Variants in PIGK observed in about 807,000 individuals in gnomAD.
The protein encoded by PIGK is GPI-anchor transamidase.
A neutral mutation model predicts 50.6 loss-of-function variants in PIGK; 42 were observed. The observed-to-expected ratio is 0.83, with a 90% CI of 0.65 to 1.07. PIGK has a LOEUF of 1.07. Ranked by LOEUF, PIGK falls within the 50% of genes least tolerant of loss-of-function variation. The pLI is 0.00. For synonymous variants in PIGK, 151 were observed against 156.0 expected, an observed-to-expected ratio of 0.97 and a Z score of 0.24; for missense variants, 448 against 488.7, an observed-to-expected ratio of 0.92 and a Z score of 0.78.
At chr1:77,163,752 T>C (rs1158126474) in intron 6 of PIGK, 94 bp downstream of exon 6, 4 of 683,396 alleles carry the variant, frequency 5.9e-6, no homozygotes, top group Admixed American at 3.3e-5. Context: ...TCAAAATAAG[T>C]TAAAAATCTT....
intron 10 of PIGK, among the ~76,000 whole-genome samples, chr1:77,116,163 C>A (rs1246705245): frequency 6.6e-6 from 1 of 151,950 alleles, no homozygotes; most frequent in Non-Finnish European, 1.5e-5. Flanking sequence ...TGGTGACTCC[C>A]AGAATTGAAT....
chr1:77,184,831 T>C (rs1655702842), intron 3 of PIGK, among the ~76,000 whole-genome samples: 2 of 152,156 alleles, frequency 1.3e-5, no homozygotes, highest in East Asian at 1.9e-4. Flanking sequence ...TGGAAGCCAT[T>C]AGAGCTGCCT....
chr1:77,159,865 T>C (rs1050518114), intron 8 of PIGK, among the ~76,000 whole-genome samples: 4 of 152,330 alleles, frequency 2.6e-5, no homozygotes, highest in South Asian at 2.1e-4. Context: ...GATGAGACTT[T>C]GGACTGTGGA....
chr1:77,113,051 A>G (rs1278505242), intron 10 of PIGK, among the ~76,000 whole-genome samples: 1 of 152,150 alleles, frequency 6.6e-6, no homozygotes, highest in African/African-American at 2.4e-5. Context: ...TAAAATTGCA[A>G]TGAATTTTAA....
At chr1:77,129,226 G>A (rs770341409) in intron 9 of PIGK, 27 of 1,600,466 alleles carry the variant, frequency 1.7e-5, no homozygotes, top group Non-Finnish European at 2.2e-5. Context: ...GCCATCAAGG[G>A]TATGCATATA....
chr1:77,128,998 A>C, intron 9 of PIGK: 1 of 672,744 alleles, frequency 1.5e-6, no homozygotes, highest in Non-Finnish European at 2.7e-6. Context: ...TCAGTGTTGC[A>C]CTATAACAGC....
intron 5 of PIGK, among the ~76,000 whole-genome samples, chr1:77,165,612 A>G (rs1436309537): frequency 1.3e-5 from 2 of 152,068 alleles, no homozygotes; most frequent in East Asian, 3.9e-4. Context: ...ATAAAAAAAA[A>G]AAAAAGCAAG....
intron 10 of PIGK, among the ~76,000 whole-genome samples, chr1:77,103,699 G>C (rs2100513069): frequency 6.6e-6 from 1 of 152,272 alleles, no homozygotes; most frequent in East Asian, 1.9e-4. Context: ...ACACAAATTA[G>C]AATTCAGGGA....
chr1:77,160,874 T>C (rs550948740), intron 8 of PIGK, among the ~76,000 whole-genome samples: 8 of 152,252 alleles, frequency 5.3e-5, no homozygotes, highest in African/African-American at 1.9e-4. Context: ...GAGAAAGACT[T>C]ACATTCAATT....
intron 10 of PIGK, among the ~76,000 whole-genome samples, chr1:77,120,201 G>A (rs557760949): frequency 6.6e-6 from 1 of 152,142 alleles, no homozygotes; most frequent in East Asian, 1.9e-4. Context: ...TGTTCTCTTA[G>A]GAAAAAAGTT....
chr1:77,110,181 C>T (rs997220605), intron 10 of PIGK, among the ~76,000 whole-genome samples: 7 of 152,172 alleles, frequency 4.6e-5, no homozygotes, highest in Non-Finnish European at 1.0e-4. Context: ...AATGGCCATA[C>T]TGCCCAAGGT....
chr1:77,154,416 T>G, intron 9 of PIGK, 33 bp downstream of exon 9: 2 of 1,484,280 alleles, frequency 1.3e-6, no homozygotes, highest in Non-Finnish European at 1.9e-6. Flanking sequence ...GTGAGACTAG[T>G]ATTCTATTCA....
At chr1:77,140,194 G>A (rs564154370) in intron 9 of PIGK, among the ~76,000 whole-genome samples, 26 of 151,966 alleles carry the variant, frequency 1.7e-4, no homozygotes, top group Non-Finnish European at 2.8e-4. Context: ...GTGAGTTCCC[G>A]CAAGATATGG....
rs760032257 is a variant in PIGK, at chr1:77,129,224, G to C, written c.987-6865C>G. ...CTCGTGAAACTGCTCAGGCCATCAA[G>C]GGTATGCATATACAAAAAGCCACGA... On this transcript the variant is annotated intron_variant, in intron 9 of 10. Transcript: ENST00000370812. The C allele has an allele frequency of 2.5e-6, 4 of 1,599,586 alleles. No homozygotes were observed. The East Asian group carries it at 8.9e-5, about 36-fold the overall frequency.
intron 3 of PIGK, among the ~76,000 whole-genome samples, chr1:77,181,150 G>A (rs1375359349): frequency 6.6e-6 from 1 of 152,016 alleles, no homozygotes; most frequent in Non-Finnish European, 1.5e-5. Context: ...AAACATATAT[G>A]AAGGGAAAAA....
chr1:77,173,597 T>C (rs2100563840), intron 3 of PIGK, among the ~76,000 whole-genome samples: 1 of 152,340 alleles, frequency 6.6e-6, no homozygotes, highest in South Asian at 2.1e-4. Context: ...GTTAAATGAA[T>C]GGTAAAAATC....
intron 10 of PIGK, among the ~76,000 whole-genome samples, chr1:77,108,137 G>A (rs1653736653): frequency 6.6e-6 from 1 of 152,180 alleles, no homozygotes; most frequent in South Asian, 2.1e-4. Context: ...TCACTATGAT[G>A]TTAGCTGGTT....
chr1:77,158,128 T>C (rs1009850057), intron 8 of PIGK, among the ~76,000 whole-genome samples: 2 of 152,228 alleles, frequency 1.3e-5, no homozygotes, highest in African/African-American at 4.8e-5. Flanking sequence ...GTGATGCTTC[T>C]GCCTCAGCCT....
chr1:77,183,400 C>T (rs911727966), intron 3 of PIGK, among the ~76,000 whole-genome samples: 2 of 152,128 alleles, frequency 1.3e-5, no homozygotes, highest in African/African-American at 4.8e-5. Flanking sequence ...GTAACGGCCT[C>T]CCCTGAGGCA....
Sources: allele counts gnomAD v4.1 joint callset (sites outside exome capture counted in the v4.1 genomes callset), GRCh38; gene constraint gnomAD v4.1.1; transcripts MANE v1.5; gene names NCBI Gene and HGNC (gene_info 2026-07-23, HGNC 2026-07-21).